ZFAND3: variants seen among roughly 807,000 people sequenced by gnomAD.
ZFAND3 encodes zinc finger AN1-type containing 3, also known as AN1-type zinc finger protein 3.
ZFAND3 carries 10 observed loss-of-function variants against 29.6 expected under a neutral mutation model. The ratio of observed to expected loss-of-function variants is 0.34; its 90% confidence interval spans 0.21 to 0.57. The LOEUF (loss-of-function observed/expected upper bound fraction) is 0.57, where lower values mean the gene tolerates loss of function less well. Ranked by LOEUF, ZFAND3 falls within the 20% of genes least tolerant of loss-of-function variation. The probability of loss-of-function intolerance (pLI) is 0.86; values close to 1 mark genes in which losing one functional copy is unlikely to be tolerated. For missense variants in ZFAND3, 230 were observed against 304.5 expected (o/e 0.76, Z 1.82); for synonymous variants, 128 against 112.6 (o/e 1.14, Z -0.87).
intron 2 of ZFAND3, among the ~76,000 whole-genome samples, chr6:38,015,994 A>T (rs1180837548): frequency 6.6e-6 from 1 of 152,202 alleles, no homozygotes; most frequent in Non-Finnish European, 1.5e-5. Context: ...ACATGATTAG[A>T]TACATTGAGG....
rs1554157840 is a variant in ZFAND3 at position 37,914,672 on chromosome 6, C to CTTTCTTTTT, written c.72-15284_72-15283insCTTTTTTTT. On this transcript the variant is annotated intron_variant, in intron 1 of 5. Coordinates refer to ENST00000287218, the MANE Select transcript of ZFAND3 (RefSeq NM_021943.3). ...TTTCTTTCTTTCTTTCTTTTTTTTT[C>CTTTCTTTTT]TTTTTTTTTTAGTGGAGACGGGGTT... is the stretch of plus-strand genomic sequence containing the variant. Among the ~76,000 whole-genome samples, 22 of 114,208 alleles carry CTTTCTTTTT rather than the reference C, an allele frequency of 1.9e-4. 3 individuals carry two copies. Among genetic ancestry groups the CTTTCTTTTT allele is most frequent in the Admixed American group, 2.6e-4 (3 of 11,474 alleles). The allele number at this position is 114,208 out of a possible 152,430, so 74.9% of individuals were successfully genotyped here.
intron 1 of ZFAND3, among the ~76,000 whole-genome samples, chr6:37,892,769 A>G (rs573308856): frequency 6.6e-6 from 1 of 152,284 alleles, no homozygotes; most frequent in East Asian, 1.9e-4. Context: ...GAAAGAGGAG[A>G]CACTACTGTT....
At chr6:37,940,220 T>C (rs982621124) in intron 2 of ZFAND3, among the ~76,000 whole-genome samples, 2 of 152,174 alleles carry the variant, frequency 1.3e-5, no homozygotes, top group East Asian at 3.8e-4. Flanking sequence ...CGGGACTGTT[T>C]TGTGCTTCAG....
intron 2 of ZFAND3, among the ~76,000 whole-genome samples, chr6:38,008,642 C>T (rs572706238): frequency 6.6e-6 from 1 of 152,058 alleles, no homozygotes; most frequent in African/African-American, 2.4e-5. Context: ...TTCTATCTCC[C>T]CCTCCACCAC....
At chr6:38,097,053 A>G (rs146807739) in intron 4 of ZFAND3, among the ~76,000 whole-genome samples, 1 of 152,190 alleles carries the variant, frequency 6.6e-6, no homozygotes, top group African/African-American at 2.4e-5. Context: ...CTTTTAAGAA[A>G]GAGGCTGTGG....
intron 1 of ZFAND3, among the ~76,000 whole-genome samples, chr6:37,850,555 A>G (rs555694672): frequency 4.6e-5 from 7 of 152,228 alleles, no homozygotes; most frequent in East Asian, 1.9e-4. Flanking sequence ...TAGATACACA[A>G]ATACCACTGT....
At chr6:38,007,663 A>G (rs946123626) in intron 2 of ZFAND3, among the ~76,000 whole-genome samples, 1 of 152,236 alleles carries the variant, frequency 6.6e-6, no homozygotes, top group Non-Finnish European at 1.5e-5. Flanking sequence ...AAACTATGGT[A>G]TTAGCCTATA....
intron 3 of ZFAND3, among the ~76,000 whole-genome samples, chr6:38,074,936 C>T (rs1409605749): frequency 2.0e-5 from 3 of 152,190 alleles, no homozygotes; most frequent in African/African-American, 4.8e-5. Context: ...TGGATGACTG[C>T]ACATCTGTTT....
At chr6:38,116,826 G>T (rs986932166) in intron 5 of ZFAND3, 87 bp downstream of exon 5, 4 of 1,508,914 alleles carry the variant, frequency 2.7e-6, no homozygotes, top group Non-Finnish European at 3.6e-6. Flanking sequence ...GAAGTCTTTC[G>T]TTCTTCTTCT....
intron 4 of ZFAND3, among the ~76,000 whole-genome samples, chr6:38,112,059 G>C (rs181750220): frequency 2.6e-5 from 4 of 152,080 alleles, no homozygotes; most frequent in African/African-American, 9.7e-5. Context: ...AAGCTAAATA[G>C]GCAAAATCCT....
At chr6:37,963,719 C>G (rs1055515978) in intron 2 of ZFAND3, among the ~76,000 whole-genome samples, 1 of 152,158 alleles carries the variant, frequency 6.6e-6, no homozygotes, top group Non-Finnish European at 1.5e-5. Context: ...TAGAAGCCTT[C>G]TTTCCTCCTT....
chr6:37,979,113 T>C (rs1297558035), intron 2 of ZFAND3, among the ~76,000 whole-genome samples: 2 of 152,178 alleles, frequency 1.3e-5, no homozygotes, highest in Non-Finnish European at 2.9e-5. Flanking sequence ...TTTGTTCTTA[T>C]TTTCTTTCTT....
chr6:37,988,475 G>C lies in ZFAND3; in HGVS notation c.112+58476G>C, dbSNP rs565019601. ...AATTTTTATTTTGTCTTTGTATCTCGCAATTCCTGACATTATGCATTATTT... is the reference window on the plus strand; with the variant it reads ...AATTTTTATTTTGTCTTTGTATCTCCCAATTCCTGACATTATGCATTATTT... On this transcript the variant is annotated intron_variant, in intron 2 of 5. Coordinates refer to ENST00000287218, the MANE Select transcript of ZFAND3 (RefSeq NM_021943.3). Among the ~76,000 whole-genome samples, 4 of 152,086 alleles carry C rather than the reference G, an allele frequency of 2.6e-5. No individual in the cohort carries two copies. In the East Asian group the frequency reaches 7.7e-4, roughly 29 times the overall value.
At chr6:37,968,497 A>G (rs1762329887) in intron 2 of ZFAND3, among the ~76,000 whole-genome samples, 3 of 151,642 alleles carry the variant, frequency 2.0e-5, no homozygotes, top group African/African-American at 7.3e-5. Context: ...GGTATTGGTA[A>G]TATTTGGTGT....
chr6:37,976,584 C>CAAAAAAAAA (rs35783371), intron 2 of ZFAND3, among the ~76,000 whole-genome samples: 1 of 76,906 alleles, frequency 1.3e-5, no homozygotes. Flanking sequence ...ACACTGTCTC[C>CAAAAAAAAA]AAAAAAAAAA....
At chr6:37,834,143 C>T (rs1357996514) in intron 1 of ZFAND3, among the ~76,000 whole-genome samples, 1 of 152,126 alleles carries the variant, frequency 6.6e-6, no homozygotes, top group Admixed American at 6.6e-5. Flanking sequence ...GCCGTAAAAA[C>T]CCTCTCTGCT....
intron 1 of ZFAND3, among the ~76,000 whole-genome samples, chr6:37,876,137 G>A (rs957284693): frequency 3.9e-5 from 6 of 152,164 alleles, no homozygotes; most frequent in African/African-American, 1.4e-4. Context: ...ATTGGAAAAG[G>A]TGAAGCAGGA....
chr6:37,893,924 T>C (rs1765150137), intron 1 of ZFAND3, among the ~76,000 whole-genome samples: 1 of 151,926 alleles, frequency 6.6e-6, no homozygotes, highest in Non-Finnish European at 1.5e-5. Context: ...CCATATGTTA[T>C]AAAACCCGTA....
intron 2 of ZFAND3, among the ~76,000 whole-genome samples, chr6:37,934,979 C>T (rs1758901132): frequency 6.6e-6 from 1 of 151,426 alleles, no homozygotes; most frequent in Non-Finnish European, 1.5e-5. Context: ...TTTCTTTTCT[C>T]AAATTACAAT....
Sources: allele counts gnomAD v4.1 joint callset (sites outside exome capture counted in the v4.1 genomes callset), GRCh38; gene constraint gnomAD v4.1.1; transcripts MANE v1.5; gene names NCBI Gene and HGNC (gene_info 2026-07-23, HGNC 2026-07-21).